The following PNPLA7 variants were observed in gnomAD, a reference collection of about 807,000 sequenced individuals.
PNPLA7 encodes the protein patatin like domain 7, lysophospholipase, also known as patatin-like phospholipase domain-containing protein 7.
Under a neutral mutation model 161.7 loss-of-function variants are expected in PNPLA7, and 153 were observed. The observed-to-expected ratio is 0.95, with a 90% confidence interval of 0.83 to 1.08. The LOEUF (loss-of-function observed/expected upper bound fraction) is 1.08. PNPLA7 is among the 50% of genes least tolerant of loss of function. The pLI is 0.00. For missense variants in PNPLA7, 1,739 were observed against 1,856.6 expected, an observed-to-expected ratio of 0.94 and a Z score of 1.16; for synonymous variants, 809 against 782.1, an observed-to-expected ratio of 1.03 and a Z score of -0.57.
chr9:137,505,817 C>G, intron 13 of PNPLA7, 57 bp from the exon 14 acceptor site: 1 of 1,600,954 alleles, frequency 6.2e-7, no homozygotes, highest in Non-Finnish European at 8.5e-7. Context: ...GAACATCGCA[C>G]AAGGGTGTGG....
chr9:137,480,689 C>A, intron 22 of PNPLA7: 1 of 732,644 alleles, frequency 1.4e-6, no homozygotes, highest in Non-Finnish European at 2.2e-6. Flanking sequence ...GAGGCTGAGG[C>A]TCGTTGAGGG....
At chr9:137,496,720 A>G (rs1022005875) in intron 18 of PNPLA7, among the ~76,000 whole-genome samples, 5 of 152,128 alleles carry the variant, frequency 3.3e-5, no homozygotes, top group Non-Finnish European at 1.5e-5. Context: ...TCAAAAAACA[A>G]AACAAAACAA....
rs760561987 is a variant in PNPLA7, at chr9:137,460,780, G to C, written c.3842-43C>G. 4.5e-6 allele frequency: 7 copies of C among 1,558,872 alleles called. No homozygotes were observed. The South Asian group carries it at 8.0e-5, about 18-fold the overall frequency. On this transcript the variant is annotated intron_variant, in intron 33 of 34. Coordinates refer to ENST00000406427, the MANE Select transcript of PNPLA7 (RefSeq NM_001098537.3). ...GCTGCGTCAGTCCCCTCCCAAGGAA[G>C]GGACCGTACCCAGCATAGCCACACT...
chr9:137,518,831 C>T (rs549822290), intron 11 of PNPLA7, among the ~76,000 whole-genome samples: 3 of 115,442 alleles, frequency 2.6e-5, no homozygotes, highest in African/African-American at 3.8e-5. Context: ...CTCACTCACT[C>T]CACTCTACTC....
Position 137,541,094 on chromosome 9 carries a change from C to G in PNPLA7, c.667-372G>C, listed in dbSNP as rs923084064. Among the ~76,000 whole-genome samples the G allele has an allele frequency of 6.6e-6, 1 of 152,128 alleles. No homozygotes were observed. The highest frequency in any genetic ancestry group is 1.5e-5 in the Non-Finnish European group (1 of 68,020). The stretch of plus-strand genomic sequence containing the variant: ...AATTCCAGAACTTTGATATAATTTT[C>G]CATTAGGTAAAAAAAGAAAAGAAAC... On this transcript the variant is annotated intron_variant, in intron 7 of 34. Transcript: ENST00000406427. This position sits in a 1 kb window ranked among gnomAD's most constrained non-coding sequence, Gnocchi z 4.4.
At chr9:137,505,175 G>A (rs1003836282) in intron 14 of PNPLA7, among the ~76,000 whole-genome samples, 1 of 104,488 alleles carries the variant, frequency 9.6e-6, no homozygotes, top group African/African-American at 3.9e-5. Context: ...GCGATACTGC[G>A]AGACTCTGTC....
rs145715625 is a variant in PNPLA7, at chr9:137,515,413, G to A, written c.1191C>T (p.Pro397=). ...CCGAAGGGTCAGGGTCACCTGCCCC[G>A]GGCTTCTCCAGCTCCTCCAAGATCT... ...RKQILEELEK[P]GAGDPDPSAP... is the part of the protein sequence containing the mutation. Residue 397 remains proline, a synonymous_variant, in exon 12 of 35, where the codon CCC becomes CCT. Coordinates refer to ENST00000406427, the MANE Select transcript of PNPLA7 (RefSeq NM_001098537.3). The A allele has an allele frequency of 5.7e-3, 9,100 of 1,603,952 alleles. 35 individuals carry two copies. Among genetic ancestry groups the A allele is most frequent in the Non-Finnish European group, 7.4e-3 (8,661 of 1,176,370 alleles).
At position 137,550,149 on chromosome 9, in the gene PNPLA7, G is replaced by A; in HGVS notation, c.30+19C>T. Reference sequence around the variant, plus strand: ...CCCCAACTGGGAAATCCAGGCATCTGGTCCCCCGAGTTACATACCTGTGGG... The same window carrying A: ...CCCCAACTGGGAAATCCAGGCATCTAGTCCCCCGAGTTACATACCTGTGGG... On this transcript the variant is annotated intron_variant, in intron 1 of 34. Transcript: ENST00000406427. The A allele has an allele frequency of 1.2e-6, 2 of 1,612,780 alleles. No individual in the cohort carries two copies. The highest frequency in any genetic ancestry group is 2.2e-5 in the South Asian group (2 of 91,074).
Position 137,478,812 on chromosome 9 carries a change from G to A in PNPLA7, c.2763+244C>T, listed in dbSNP as rs1168643651. ...TTCAGGCCCATCCCCGGGGTTCGCT[G>A]AGCCCCCAGCCCGATGGCCGCCCTG... is the stretch of plus-strand genomic sequence containing the variant. On this transcript the variant is annotated intron_variant, in intron 24 of 34. Transcript: ENST00000406427. The A allele has an allele frequency of 8.2e-6, 4 of 487,046 alleles. No homozygotes were observed. The Admixed American group carries it at 1.1e-4, about 14-fold the overall frequency. 30.2% of individuals were successfully genotyped at this position (487,046 alleles called of 1,614,324 possible). A position where few individuals can be genotyped will look rare whatever the true frequency, so the allele number is the denominator to read the frequency against.
rs917038884 is a variant in PNPLA7 at position 137,478,125 on chromosome 9, G to A, written c.2791C>T (p.Arg931Trp). 2.2e-5 allele frequency: 30 copies of A among 1,347,034 alleles called. No homozygotes were observed. Among genetic ancestry groups the A allele is most frequent in the South Asian group, 9.7e-5 (5 of 51,616 alleles). 83.4% of individuals were successfully genotyped at this position (1,347,034 alleles called of 1,614,324 possible). A position where few individuals can be genotyped will look rare whatever the true frequency, so the allele number is the denominator to read the frequency against. ...AAGTCTGAGTGTCGGTCCGGGGGCCGCTGGAAGACATGCTTGTACATCTCC... is the reference window on the plus strand; with the variant it reads ...AAGTCTGAGTGTCGGTCCGGGGGCCACTGGAAGACATGCTTGTACATCTCC... Reference protein sequence around the residue: ...LVEMYKHVFQRPPDRHSDFSR... With the variant: ...LVEMYKHVFQWPPDRHSDFSR... The change falls in exon 25 of 35, where the codon CGG (arginine) becomes TGG (tryptophan). Residue 931 changes from arginine (R) to tryptophan (W), a missense_variant. Around this residue, in one of 6 missense-constraint regions of PNPLA7, gnomAD observed 703 missense variants for 694.6 expected, o/e 1.01. Transcript: ENST00000406427.
At chr9:137,516,609 G>T in intron 11 of PNPLA7, 1 of 625,530 alleles carries the variant, frequency 1.6e-6, no homozygotes, top group African/African-American at 2.0e-5. Context: ...AGGAGTTCAA[G>T]ACCACCCTGG....
At chr9:137,478,981 T>C (rs373820291) in intron 24 of PNPLA7, 75 bp downstream of exon 24, 30 of 1,442,720 alleles carry the variant, frequency 2.1e-5, no homozygotes, top group African/African-American at 5.7e-5. Flanking sequence ...AGGTGGGGAA[T>C]GTGAAGAATG....
chr9:137,481,836 T>C (rs569533848), intron 21 of PNPLA7, among the ~76,000 whole-genome samples: 55 of 152,138 alleles, frequency 3.6e-4, no homozygotes, highest in Non-Finnish European at 7.1e-4. Flanking sequence ...CTTGGGAGGC[T>C]GAGGCAGGAG....
chr9:137,481,138 G>C (rs1832200332), intron 21 of PNPLA7, 115 bp from the exon 22 acceptor site: 2 of 1,105,788 alleles, frequency 1.8e-6, no homozygotes, highest in South Asian at 2.8e-5. Context: ...CGCCCAGCCA[G>C]GCACCAAGGA....
At position 137,515,371 on chromosome 9, in the gene PNPLA7, T is replaced by G; in HGVS notation, c.1225+8A>C. 1 of 1,597,730 alleles carries G rather than the reference T, an allele frequency of 6.3e-7. No individual in the cohort carries two copies. The highest frequency in any genetic ancestry group is 1.3e-5 in the African/African-American group (1 of 74,650). On this transcript the variant is annotated splice_region_variant and intron_variant, in intron 12 of 34. Transcript: ENST00000406427. ...CACACTGGCTGGGCAGCCGTCGAGGTTCTTTACCTTGTGGGGCCGAAGGGT... is the reference window on the plus strand; with the variant it reads ...CACACTGGCTGGGCAGCCGTCGAGGGTCTTTACCTTGTGGGGCCGAAGGGT...
chr9:137,518,255 T>A (rs1242020765), intron 11 of PNPLA7, among the ~76,000 whole-genome samples: 1 of 102,938 alleles, frequency 9.7e-6, no homozygotes, highest in African/African-American at 4.2e-5. Context: ...ACTCCATCCC[T>A]CATTCACTCA....
At chr9:137,484,550 C>CCCAA in intron 21 of PNPLA7, 37 bp downstream of exon 21, 1 of 1,555,348 alleles carries the variant, frequency 6.4e-7, no homozygotes, top group South Asian at 1.2e-5. Context: ...AGGCCCAGAA[C>CCCAA]CCAAGGATGG....
At chr9:137,487,871 C>T (rs1832567644) in intron 20 of PNPLA7, among the ~76,000 whole-genome samples, 1 of 152,206 alleles carries the variant, frequency 6.6e-6, no homozygotes, top group African/African-American at 2.4e-5. Context: ...GCACGCCCTG[C>T]GAGGTGTCCC....
chr9:137,464,237 C>T (rs777456408), intron 27 of PNPLA7, 42 bp from the exon 28 acceptor site: 2 of 1,611,614 alleles, frequency 1.2e-6, no homozygotes, highest in Non-Finnish European at 1.7e-6. Context: ...TCCCATCACG[C>T]TCCTGTCCTG....
Sources: gnomAD v4.1 joint callset for allele counts (sites outside exome capture counted in the v4.1 genomes callset) on GRCh38, gnomAD v4.1.1 for gene constraint, gnomAD v4.1.1 regional missense constraint, Gnocchi (gnomAD v3.1) non-coding constraint, MANE v1.5 for transcripts, NCBI Gene and HGNC (gene_info 2026-07-23, HGNC 2026-07-21) for gene names.